The following NRF1 variants were observed in gnomAD, a reference collection of about 807,000 sequenced individuals.
NRF1 encodes nuclear respiratory factor 1.
Under a neutral mutation model 58.5 loss-of-function variants are expected in NRF1, and 5 were observed. The ratio of observed to expected loss-of-function variants is 0.09; its 90% CI spans 0.04 to 0.18. The LOEUF is 0.18. NRF1 is among the 10% of genes least tolerant of loss of function. The probability of loss-of-function intolerance (pLI) is 1.00; values close to 1 mark genes in which losing one functional copy is unlikely to be tolerated. For missense variants in NRF1, 288 were observed against 657.7 expected, an observed-to-expected ratio of 0.44 and a Z score of 6.15; for synonymous variants, 224 against 246.7, an observed-to-expected ratio of 0.91 and a Z score of 0.86.
intron 5 of NRF1, among the ~76,000 whole-genome samples, chr7:129,701,468 C>T (rs1469735036): frequency 4.0e-5 from 6 of 151,816 alleles, no homozygotes; most frequent in South Asian, 2.1e-4. Flanking sequence ...GCCATGGTAA[C>T]GCATGCCTGT....
chr7:129,651,589 A>T (rs1009908641), intron 1 of NRF1, among the ~76,000 whole-genome samples: 1 of 152,216 alleles, frequency 6.6e-6, no homozygotes, highest in African/African-American at 2.4e-5. Flanking sequence ...TGCCAAGCGC[A>T]TAGCCTACAA....
chr7:129,729,699 A>G (rs1803534295), intron 10 of NRF1, among the ~76,000 whole-genome samples: 1 of 152,234 alleles, frequency 6.6e-6, no homozygotes, highest in African/African-American at 2.4e-5. Context: ...CCACAGTGCT[A>G]TAGTATTTAC....
Position 129,744,251 on chromosome 7 carries a change from G to A in NRF1, c.1349-10767G>A, listed in dbSNP as rs1216102488. The A allele has an allele frequency of 5.2e-6, 8 of 1,541,638 alleles. No individual in the cohort carries two copies. The South Asian group carries it at 8.3e-5, about 16-fold the overall frequency. ...ACAGGTGGGTTCATCTTTGGGGAAAGAAGGAAGCAGCTGGAGGATAGAGTC... is the reference window on the plus strand; with the variant it reads ...ACAGGTGGGTTCATCTTTGGGGAAAAAAGGAAGCAGCTGGAGGATAGAGTC... On this transcript the variant is annotated intron_variant, in intron 10 of 10. Transcript: ENST00000393232.
chr7:129,614,489 T>TAA (rs1800620137), intron 1 of NRF1, among the ~76,000 whole-genome samples: 1 of 99,638 alleles, frequency 1.0e-5, no homozygotes, highest in Admixed American at 1.0e-4. Flanking sequence ...ATAATTTTTT[T>TAA]TTTTAAGTTA....
intron 1 of NRF1, among the ~76,000 whole-genome samples, chr7:129,635,984 C>T (rs1221277308): frequency 6.6e-6 from 1 of 152,046 alleles, no homozygotes; most frequent in Middle Eastern, 3.2e-3. Flanking sequence ...ATTTTTCTAA[C>T]TATTCATTAA....
chr7:129,751,613 CAGTT>C (rs960342818), intron 10 of NRF1, among the ~76,000 whole-genome samples: 1 of 152,252 alleles, frequency 6.6e-6, no homozygotes, highest in African/African-American at 2.4e-5. Flanking sequence ...TGGTTGCTCA[CAGTT>C]AGTTAGAAAA....
At chr7:129,699,802 T>C (rs887968507) in intron 5 of NRF1, among the ~76,000 whole-genome samples, 4 of 151,796 alleles carry the variant, frequency 2.6e-5, no homozygotes, top group Admixed American at 2.6e-4. Flanking sequence ...TCAGGAGTTA[T>C]CGTTTTAATG....
intron 1 of NRF1, 99 bp downstream of exon 1, chr7:129,611,923 C>G (rs1198107940): frequency 6.7e-6 from 1 of 148,520 alleles, no homozygotes; most frequent in Non-Finnish European, 1.5e-5. Flanking sequence ...GCAGCCGGCA[C>G]CCTGCCGCCC....
intron 1 of NRF1, among the ~76,000 whole-genome samples, chr7:129,644,843 T>C (rs371095630): frequency 1.4e-4 from 22 of 152,198 alleles, no homozygotes; most frequent in African/African-American, 4.8e-4. Context: ...TAGTAATACA[T>C]AGTCTATTTA....
At chr7:129,737,380 A>G (rs1199539532) in intron 10 of NRF1, among the ~76,000 whole-genome samples, 2 of 152,234 alleles carry the variant, frequency 1.3e-5, no homozygotes, top group Non-Finnish European at 2.9e-5. Flanking sequence ...AAAATGGCAC[A>G]ATGTGTCTTC....
At chr7:129,677,950 G>T (rs529228651) in intron 4 of NRF1, among the ~76,000 whole-genome samples, 192 bp downstream of exon 4, 5 of 144,610 alleles carry the variant, frequency 3.5e-5, no homozygotes, top group African/African-American at 9.9e-5. Context: ...TACTTCCTAC[G>T]TCAAGGTATT....
chr7:129,625,929 G>A (rs900143660), intron 1 of NRF1, among the ~76,000 whole-genome samples: 12 of 151,974 alleles, frequency 7.9e-5, no homozygotes, highest in African/African-American at 2.4e-4. Context: ...TGATCCACCC[G>A]CCTTGGCCTC....
At chr7:129,653,053 A>G (rs1266387265) in intron 1 of NRF1, among the ~76,000 whole-genome samples, 1 of 152,212 alleles carries the variant, frequency 6.6e-6, no homozygotes, top group African/African-American at 2.4e-5. Flanking sequence ...GCCAATCTCC[A>G]GAACTCTTTA....
chr7:129,707,970 G>A (rs1230893751), intron 5 of NRF1, among the ~76,000 whole-genome samples: 1 of 152,102 alleles, frequency 6.6e-6, no homozygotes, highest in Non-Finnish European at 1.5e-5. Context: ...AAGTGTTGCT[G>A]TACTCATTCT....
At chr7:129,700,366 C>T (rs183527605) in intron 5 of NRF1, among the ~76,000 whole-genome samples, 13 of 152,154 alleles carry the variant, frequency 8.5e-5, no homozygotes, top group African/African-American at 1.9e-4. Flanking sequence ...ATCCTAGTGC[C>T]CCGGCCACAC....
intron 3 of NRF1, among the ~76,000 whole-genome samples, chr7:129,674,446 T>G (rs924993115): frequency 6.6e-6 from 1 of 152,144 alleles, no homozygotes. Context: ...AAAATACTTT[T>G]TTTTTGGAGA....
intron 5 of NRF1, among the ~76,000 whole-genome samples, chr7:129,703,031 AT>A (rs1016657691): frequency 2.5e-4 from 38 of 151,908 alleles, no homozygotes; most frequent in African/African-American, 8.2e-4. Context: ...CATAGCAAGA[AT>A]TTTTTTTTAA....
At chr7:129,623,425 T>G (rs1800848222) in intron 1 of NRF1, among the ~76,000 whole-genome samples, 2 of 152,062 alleles carry the variant, frequency 1.3e-5, no homozygotes, top group Non-Finnish European at 2.9e-5. Context: ...AAAGATTTTG[T>G]ATAGATAAAA....
intron 1 of NRF1, among the ~76,000 whole-genome samples, chr7:129,615,875 T>C (rs1800648479): frequency 6.6e-6 from 1 of 152,168 alleles, no homozygotes. Flanking sequence ...ACAAATGAAT[T>C]TCAGGTGTTT....
Sources: gnomAD v4.1 joint callset for allele counts (sites outside exome capture counted in the v4.1 genomes callset) on GRCh38, gnomAD v4.1.1 for gene constraint, MANE v1.5 for transcripts, NCBI Gene and HGNC (gene_info 2026-07-23, HGNC 2026-07-21) for gene names.